Variants in LIF observed in about 807,000 individuals in gnomAD.
LIF encodes the protein leukemia inhibitory factor.
Under a neutral mutation model 15.0 loss-of-function variants are expected in LIF, and 9 were observed. That is an observed-to-expected ratio of 0.60 (90% CI 0.36 to 1.04). LIF has a LOEUF of 1.04. Among genes scored for constraint, LIF ranks in the 50% least tolerant of loss-of-function variants. The pLI is 0.01. For missense variants in LIF, 240 were observed against 266.7 expected (o/e 0.90, Z 0.70); for synonymous variants, 122 against 119.7 (o/e 1.02, Z -0.13).
In LIF at chr22:30,243,445, C is replaced by T; in HGVS notation, c.*206G>A. ...GAGGAAGGGGCACCTTCTTCTAGCT[C>T]CCTCCCTATGGAAGTTTCCACTCTG... On this transcript the variant is annotated 3_prime_UTR_variant, in exon 3 of 3. Transcript: ENST00000249075. This position sits in a 1 kb window ranked among gnomAD's most constrained non-coding sequence, Gnocchi z 6.0. 1 of 626,756 alleles carries T rather than the reference C, an allele frequency of 1.6e-6. No individual in the cohort carries two copies. Among genetic ancestry groups the T allele is most frequent in the Non-Finnish European group, 2.8e-6 (1 of 356,726 alleles). The allele number at this position is 626,756 out of a possible 1,614,324, so 38.8% of individuals were successfully genotyped here.
chr22:30,243,762 C>G lies in LIF; in HGVS notation c.498G>C (p.Val166=). 1 of 1,614,274 alleles carries G rather than the reference C, an allele frequency of 6.2e-7. No homozygotes were observed. Among genetic ancestry groups the G allele is most frequent in the Non-Finnish European group, 8.5e-7 (1 of 1,180,042 alleles). ...CSKYHVGHVD[V]TYGPDTSGKD... ...TACCCGAGGTGTCAGGGCCGTAGGT[C>G]ACGTCCACATGGCCCACGTGGTACT... Residue 166 remains valine (V), a synonymous_variant, in exon 3 of 3, where the codon GTG becomes GTC. Transcript: ENST00000249075. This position sits in a 1 kb window ranked among gnomAD's most constrained non-coding sequence, Gnocchi z 6.0.
In LIF at chr22:30,241,029, G is replaced by A. The variant is rs1601639510; in HGVS notation, c.*2622C>T. ...CTCTCTCTTCCTCCGGCCAGGCCCA[G>A]GTGTGGTCCACACCAGCAGATAAAA... On this transcript the variant is annotated 3_prime_UTR_variant, in exon 3 of 3. Transcript: ENST00000249075. This position sits in a 1 kb window ranked among gnomAD's most constrained non-coding sequence, Gnocchi z 4.4. 6.6e-6 allele frequency: 1 copy of A among 152,290 alleles called. No individual in the cohort carries two copies. The highest frequency in any genetic ancestry group is 2.4e-5 in the African/African-American group (1 of 41,480). The allele number at this position is 152,290 out of a possible 1,614,324, so 9.4% of individuals were successfully genotyped here. A position where few individuals can be genotyped will look rare whatever the true frequency, so the allele number is the denominator to read the frequency against.
rs1254570702 is a variant in LIF, at chr22:30,244,050, C to A, written c.210G>T (p.Gln70His). The A allele has an allele frequency of 3.1e-6, 5 of 1,607,432 alleles. No individual in the cohort carries two copies. The highest frequency in any genetic ancestry group is 4.2e-6 in the Non-Finnish European group (5 of 1,178,760). Residue 70 changes from glutamine (Q) to histidine (H), a missense_variant, in exon 3 of 3, where the codon CAG (glutamine) becomes CAT (histidine). Physicochemically the swap from Gln to His is conservative, Grantham distance 24. Coordinates refer to ENST00000249075, the MANE Select transcript of LIF (RefSeq NM_002309.5). ...CCAGGTTGTTGGGGAACGGCTCCCC[C>A]TGGGCTGTGTACTGAGGGGCAGAAG... ...NALFILYYTA[Q>H]GEPFPNNLDK...
chr22:30,245,526 C>A (rs1368511495), intron 1 of LIF, among the ~76,000 whole-genome samples: 2 of 152,056 alleles, frequency 1.3e-5, no homozygotes, highest in East Asian at 3.9e-4. Context: ...GGGCCAATTG[C>A]CCCCAATTCT....
intron 2 of LIF, among the ~76,000 whole-genome samples, chr22:30,244,477 C>T (rs1928797941): frequency 1.3e-5 from 2 of 152,178 alleles, no homozygotes; most frequent in Admixed American, 1.3e-4. Context: ...TCCCCTCCAT[C>T]CCTCGCTCCC....
In LIF at chr22:30,241,145, T is replaced by C. The variant is rs1485589171; in HGVS notation, c.*2506A>G. ...ATGCTGTGCAGGGTGGACGCCAAGC[T>C]GCCGGACGGGATCTGGAGGGAGCAC... On this transcript the variant is annotated 3_prime_UTR_variant, in exon 3 of 3. Transcript: ENST00000249075. The surrounding 1 kb of genome is among the most constrained non-coding windows in gnomAD (Gnocchi z 4.4). 6.6e-6 allele frequency: 1 copy of C among 152,224 alleles called. No homozygotes were observed. Among genetic ancestry groups the C allele is most frequent in the African/African-American group, 2.4e-5 (1 of 41,404 alleles). The allele number at this position is 152,224 out of a possible 1,614,324, so 9.4% of individuals were successfully genotyped here.
Position 30,241,250 on chromosome 22 carries a change from C to T in LIF, c.*2401G>A, listed in dbSNP as rs1928657346. ...CCAGGGCCGCAAGGTGGGCCTGGCA[C>T]AGAGCTCCCAAGTCCACAGGGAGAT... is the stretch of plus-strand genomic sequence containing the variant. On this transcript the variant is annotated 3_prime_UTR_variant, in exon 3 of 3. Coordinates refer to ENST00000249075, the MANE Select transcript of LIF (RefSeq NM_002309.5). This position sits in a 1 kb window ranked among gnomAD's most constrained non-coding sequence, Gnocchi z 4.4. 6.6e-6 allele frequency: 1 copy of T among 152,310 alleles called. No individual in the cohort carries two copies. The allele number at this position is 152,310 out of a possible 1,614,324, so 9.4% of individuals were successfully genotyped here. A position where few individuals can be genotyped will look rare whatever the true frequency, so the allele number is the denominator to read the frequency against.
chr22:30,244,105 TC>T, intron 2 of LIF, 44 bp from the exon 3 acceptor site: 2 of 1,560,188 alleles, frequency 1.3e-6, no homozygotes, highest in South Asian at 2.3e-5. Flanking sequence ...GGGGTCAGTG[TC>T]CCAGCCCTGC....
chr22:30,244,979 G>T, intron 1 of LIF, 46 bp from the exon 2 acceptor site: 1 of 1,600,276 alleles, frequency 6.2e-7, no homozygotes, highest in Non-Finnish European at 8.6e-7. Flanking sequence ...GCAGGAAAGG[G>T]TGGCCTGGGG....
intron 1 of LIF, among the ~76,000 whole-genome samples, 168 bp from the exon 2 acceptor site, chr22:30,245,101 G>A (rs937900340): frequency 3.3e-5 from 5 of 152,314 alleles, no homozygotes; most frequent in Middle Eastern, 3.4e-3. Flanking sequence ...CTGTCACTGC[G>A]TGTGTTTCTC....
Position 30,242,452 on chromosome 22 carries a change from GC to G in LIF, c.*1198del, listed in dbSNP as rs1172401289. 1 of 152,694 alleles carries G rather than the reference GC, an allele frequency of 6.5e-6. No individual in the cohort carries two copies. The highest frequency in any genetic ancestry group is 6.5e-5 in the Admixed American group (1 of 15,274). The allele number at this position is 152,694 out of a possible 1,614,324, so 9.5% of individuals were successfully genotyped here. A position where few individuals can be genotyped will look rare whatever the true frequency, so the allele number is the denominator to read the frequency against. ...GTAACATTGTCGACTTCCAGACCAG[GC>G]CCTGCTAAGCCCTGGCCCTGGCGCT... On this transcript the variant is annotated 3_prime_UTR_variant, in exon 3 of 3. Coordinates refer to ENST00000249075, the MANE Select transcript of LIF (RefSeq NM_002309.5).
At position 30,243,840 on chromosome 22, in the gene LIF, G is replaced by A. The variant is rs770573444; in HGVS notation, c.420C>T (p.Thr140=). The change falls in exon 3 of 3, where the codon ACC becomes ACT. Residue 140 remains threonine, a synonymous_variant. Coordinates refer to ENST00000249075, the MANE Select transcript of LIF (RefSeq NM_002309.5). The surrounding 1 kb of genome is among the most constrained non-coding windows in gnomAD (Gnocchi z 6.0). The part of the protein sequence containing the change: ...ALSLHSKLNA[T]ADILRGLLSN... ...TAAGGAGGCCTCGCAGGATGTCGGC[G>A]GTGGCGTTGAGCTTGCTGTGGAGGC... The A allele has an allele frequency of 2.5e-5, 41 of 1,614,112 alleles. 1 individual carries two copies. The highest frequency in any genetic ancestry group is 2.0e-4 in the South Asian group (18 of 91,088).
At chr22:30,244,961 G>C in intron 1 of LIF, 28 bp from the exon 2 acceptor site, 1 of 1,612,994 alleles carries the variant, frequency 6.2e-7, no homozygotes, top group Non-Finnish European at 8.5e-7. Context: ...GAAGCCATGA[G>C]TAGAAAGGCA....
At chr22:30,244,668 C>A (rs1029086181) in intron 2 of LIF, 87 bp downstream of exon 2, 1 of 1,284,098 alleles carries the variant, frequency 7.8e-7, no homozygotes, top group Non-Finnish European at 1.1e-6. Context: ...CCCAAAAGGT[C>A]CCCTCAACCC....
Position 30,243,359 on chromosome 22 carries a change from G to T in LIF, c.*292C>A. ...TTGTTCACTGCACAAAGTGAGCAAG[G>T]GGCCAAAGGGACAAGTAGAGGCAGA... is the stretch of plus-strand genomic sequence containing the variant. On this transcript the variant is annotated 3_prime_UTR_variant, in exon 3 of 3. Coordinates refer to ENST00000249075, the MANE Select transcript of LIF (RefSeq NM_002309.5). This position sits in a 1 kb window ranked among gnomAD's most constrained non-coding sequence, Gnocchi z 6.0. 1 of 520,414 alleles carries T rather than the reference G, an allele frequency of 1.9e-6. No homozygotes were observed. Among genetic ancestry groups the T allele is most frequent in the Non-Finnish European group, 3.5e-6 (1 of 286,098 alleles). The allele number at this position is 520,414 out of a possible 1,614,324, so 32.2% of individuals were successfully genotyped here.
intron 2 of LIF, 104 bp from the exon 3 acceptor site, chr22:30,244,165 T>G: frequency 1.8e-6 from 2 of 1,112,096 alleles, no homozygotes; most frequent in Non-Finnish European, 2.5e-6. Flanking sequence ...ATCTAGCGCA[T>G]GAGGACCCAA....
At chr22:30,245,205 A>G (rs931967164) in intron 1 of LIF, among the ~76,000 whole-genome samples, 4 of 152,332 alleles carry the variant, frequency 2.6e-5, no homozygotes, top group African/African-American at 9.6e-5. Context: ...CAAAGGGTGC[A>G]GGGTCCAGGA....
chr22:30,245,145 C>G lies in LIF; in HGVS notation c.20-212G>C, dbSNP rs6006416. On this transcript the variant is annotated intron_variant, in intron 1 of 2. Transcript: ENST00000249075. Reference sequence around the variant, plus strand: ...TTTCTCTACCTTAGTTCTCCCTGCTCTCTTCTGGGATGACGTAAAGATGAG... The same window carrying G: ...TTTCTCTACCTTAGTTCTCCCTGCTGTCTTCTGGGATGACGTAAAGATGAG... Among the ~76,000 whole-genome samples the G allele has an allele frequency of 3.5e-3, 527 of 152,326 alleles. 1 individual carries two copies. The highest frequency in any genetic ancestry group is 0.012 in the African/African-American group (496 of 41,578).
chr22:30,244,981 G>A, intron 1 of LIF, 48 bp from the exon 2 acceptor site: 2 of 1,599,218 alleles, frequency 1.3e-6, no homozygotes, highest in Non-Finnish European at 1.7e-6. Context: ...AGGAAAGGGT[G>A]GCCTGGGGTC....
Sources: allele counts gnomAD v4.1 joint callset (sites outside exome capture counted in the v4.1 genomes callset), GRCh38; gene constraint gnomAD v4.1.1; non-coding constraint Gnocchi (gnomAD v3.1); transcripts MANE v1.5; gene names NCBI Gene and HGNC (gene_info 2026-07-23, HGNC 2026-07-21).